L3MBTL4: variants seen among roughly 807,000 people sequenced by gnomAD.
L3MBTL4 encodes L3MBTL histone methyl-lysine binding protein 4.
Under a neutral mutation model 84.5 loss-of-function variants are expected in L3MBTL4, and 70 were observed. That is an observed-to-expected ratio of 0.83 (90% confidence interval 0.68 to 1.01). The LOEUF is 1.01. L3MBTL4 is among the 50% of genes least tolerant of loss of function. The pLI is 0.00. For missense variants in L3MBTL4, 715 were observed against 754.8 expected (o/e 0.95, Z 0.62); for synonymous variants, 274 against 259.8 (o/e 1.05, Z -0.52).
intron 1 of L3MBTL4, among the ~76,000 whole-genome samples, chr18:6,331,394 A>G (rs1034509115): frequency 1.3e-5 from 2 of 152,176 alleles, no homozygotes; most frequent in African/African-American, 4.8e-5. Context: ...CCTACCCAGC[A>G]ATGCAGAAAG....
chr18:6,069,354 T>G (rs1006885314), intron 16 of L3MBTL4, among the ~76,000 whole-genome samples: 1 of 152,188 alleles, frequency 6.6e-6, no homozygotes, highest in Non-Finnish European at 1.5e-5. Flanking sequence ...AGCCACGAGG[T>G]GGCATTTGCA....
chr18:6,212,315 A>G (rs981277906), intron 12 of L3MBTL4, among the ~76,000 whole-genome samples: 1 of 152,230 alleles, frequency 6.6e-6, no homozygotes, highest in Non-Finnish European at 1.5e-5. Flanking sequence ...TTATTTTCAA[A>G]TTAGGGATAC....
At chr18:5,981,905 C>T (rs909711176) in intron 16 of L3MBTL4, among the ~76,000 whole-genome samples, 1 of 150,946 alleles carries the variant, frequency 6.6e-6, no homozygotes. Context: ...TCTCCCGATG[C>T]AACATGCACA....
chr18:6,066,530 G>A (rs989378640), intron 16 of L3MBTL4, among the ~76,000 whole-genome samples: 2 of 152,042 alleles, frequency 1.3e-5, no homozygotes, highest in African/African-American at 4.8e-5. Context: ...AAATCTGAGA[G>A]CTCTAGGGTT....
chr18:5,972,446 G>C (rs948199689), intron 16 of L3MBTL4, among the ~76,000 whole-genome samples: 8 of 152,126 alleles, frequency 5.3e-5, no homozygotes, highest in Non-Finnish European at 7.3e-5. Context: ...AAAAGGAGAA[G>C]TTGGCAGAAG....
At chr18:6,079,868 TC>T (rs1464889832) in intron 16 of L3MBTL4, 1 of 152,224 alleles carries the variant, frequency 6.6e-6, no homozygotes, top group African/African-American at 2.4e-5. Context: ...ACATAGAAAT[TC>T]TTCTTATGAG....
chr18:6,239,644 G>C, intron 9 of L3MBTL4, 74 bp downstream of exon 9: 2 of 1,473,284 alleles, frequency 1.4e-6, no homozygotes, highest in Non-Finnish European at 1.9e-6. Flanking sequence ...AACAGCAACA[G>C]TGCTAGAATG....
At chr18:6,014,647 A>G (rs928113823) in intron 16 of L3MBTL4, among the ~76,000 whole-genome samples, 1 of 152,164 alleles carries the variant, frequency 6.6e-6, no homozygotes, top group Non-Finnish European at 1.5e-5. Context: ...GAGAGTCCAC[A>G]TGGCTGGAGC....
At chr18:6,004,732 C>A (rs2054385714) in intron 16 of L3MBTL4, among the ~76,000 whole-genome samples, 1 of 152,066 alleles carries the variant, frequency 6.6e-6, no homozygotes, top group South Asian at 2.1e-4. Context: ...GAAGACATGA[C>A]ATTAAGTGAA....
At chr18:6,164,625 C>A (rs1372320336) in intron 13 of L3MBTL4, among the ~76,000 whole-genome samples, 2 of 152,142 alleles carry the variant, frequency 1.3e-5, no homozygotes, top group South Asian at 2.1e-4. Flanking sequence ...GGGTCCTGAC[C>A]ATTAGAAGGA....
intron 4 of L3MBTL4, among the ~76,000 whole-genome samples, chr18:6,292,226 T>C (rs1414064053): frequency 1.3e-5 from 2 of 152,228 alleles, no homozygotes; most frequent in East Asian, 3.8e-4. Flanking sequence ...TCACCAAGTT[T>C]CTCCCATGGT....
chr18:6,104,803 A>C (rs2058947800), intron 14 of L3MBTL4, among the ~76,000 whole-genome samples: 1 of 152,222 alleles, frequency 6.6e-6, no homozygotes, highest in Non-Finnish European at 1.5e-5. Context: ...TGATTTGTAG[A>C]TTCATATATG....
At chr18:6,411,229 T>G (rs1482260052) in intron 1 of L3MBTL4, among the ~76,000 whole-genome samples, 2 of 152,058 alleles carry the variant, frequency 1.3e-5, no homozygotes, top group African/African-American at 4.8e-5. Context: ...TGCCGATATT[T>G]ATACTGCTTG....
chr18:6,308,193 G>A (rs1368314236), intron 3 of L3MBTL4, among the ~76,000 whole-genome samples: 2 of 152,162 alleles, frequency 1.3e-5, no homozygotes, highest in Non-Finnish European at 2.9e-5. Context: ...AGTCTAAAGG[G>A]ACAGAGAAAA....
rs190641665 is a variant in L3MBTL4, at chr18:5,960,356, G to A, written c.1615-200C>T. Among the ~76,000 whole-genome samples the A allele has an allele frequency of 4.2e-3, 632 of 152,036 alleles. 5 individuals carry two copies. The highest frequency in any genetic ancestry group is 0.031 in the South Asian group (149 of 4,810). ...GTATTTTTTCTGTCCTCTTATTACC[G>A]GGCTGACCTGCAGAGGGTTATGGTT... On this transcript the variant is annotated intron_variant, in intron 17 of 18. Coordinates refer to ENST00000317931, the MANE Select transcript of L3MBTL4 (RefSeq NM_001330559.2).
intron 16 of L3MBTL4, among the ~76,000 whole-genome samples, chr18:5,999,875 C>A (rs1227194949): frequency 6.6e-6 from 1 of 152,110 alleles, no homozygotes; most frequent in Non-Finnish European, 1.5e-5. Context: ...ATAAAAGAAG[C>A]CCTACTGGAC....
intron 1 of L3MBTL4, among the ~76,000 whole-genome samples, chr18:6,333,994 C>CAAAGCACATAAAT (rs2052191360): frequency 6.6e-6 from 1 of 152,158 alleles, no homozygotes. Context: ...ATAAAGCATT[C>CAAAGCACATAAAT]CAAACGATGC....
intron 12 of L3MBTL4, among the ~76,000 whole-genome samples, chr18:6,191,776 C>T (rs2045105282): frequency 6.6e-6 from 1 of 151,962 alleles, no homozygotes; most frequent in African/African-American, 2.4e-5. Context: ...TTGCTTGAGT[C>T]CAGGAGTTCA....
At chr18:6,079,536 CA>C (rs2057996428) in intron 16 of L3MBTL4, among the ~76,000 whole-genome samples, 1 of 152,208 alleles carries the variant, frequency 6.6e-6, no homozygotes, top group South Asian at 2.1e-4. Flanking sequence ...TCATCTTTCA[CA>C]GTATGCAAAT....
Sources: gnomAD v4.1 joint callset for allele counts (sites outside exome capture counted in the v4.1 genomes callset) on GRCh38, gnomAD v4.1.1 for gene constraint, MANE v1.5 for transcripts, NCBI Gene and HGNC (gene_info 2026-07-23, HGNC 2026-07-21) for gene names.